Variants in COL14A1 observed in about 807,000 individuals in gnomAD.
COL14A1 encodes collagen type XIV alpha 1 chain.
COL14A1 carries 136 observed loss-of-function variants against 230.3 expected under a neutral mutation model. The observed-to-expected ratio is 0.59, with a 90% CI of 0.51 to 0.68. COL14A1 has a LOEUF of 0.68. COL14A1 is among the 30% of genes least tolerant of loss of function. The probability of loss-of-function intolerance (pLI) is 0.00; values close to 1 mark genes in which losing one functional copy is unlikely to be tolerated. For synonymous variants in COL14A1, 792 were observed against 784.1 expected, an observed-to-expected ratio of 1.01 and a Z score of -0.17; for missense variants, 1,976 against 2,215.8, an observed-to-expected ratio of 0.89 and a Z score of 2.17.
At chr8:120,130,943 C>T (rs1003799985) in intron 1 of COL14A1, among the ~76,000 whole-genome samples, 5 of 152,070 alleles carry the variant, frequency 3.3e-5, no homozygotes, top group Non-Finnish European at 7.4e-5. Flanking sequence ...CTGTTTAGCT[C>T]CTACTTATAA....
chr8:120,370,615 C>T (rs1005645374), intron 47 of COL14A1: 54 of 1,450,120 alleles, frequency 3.7e-5, no homozygotes, highest in Non-Finnish European at 4.4e-5. Context: ...CTGACTGCTC[C>T]ATGTCAGCCT....
At position 120,280,951 on chromosome 8, in the gene COL14A1, T is replaced by C. The variant is rs748286322; in HGVS notation, c.3716T>C (p.Val1239Ala). ...GFKMMEMFGL[V>A]EKDFSSVEGV... ...AAGATGATGGAAATGTTTGGTTTGG[T>C]TGAAAAAGATTTTTCATCAGTGGAA... The change falls in exon 31 of 48, where the codon GTT becomes GCT. Residue 1239 changes from valine (V) to alanine (A), a missense_variant. Transcript: ENST00000297848. The C allele has an allele frequency of 1.9e-6, 3 of 1,609,868 alleles. No individual in the cohort carries two copies. Among genetic ancestry groups the C allele is most frequent in the Middle Eastern group, 1.7e-4 (1 of 6,012 alleles).
At chr8:120,348,352 A>G (rs1204996985) in intron 45 of COL14A1, among the ~76,000 whole-genome samples, 2 of 150,894 alleles carry the variant, frequency 1.3e-5, no homozygotes, top group Non-Finnish European at 2.9e-5. Context: ...ACTCAGCCAT[A>G]AAAAGGAATG....
At chr8:120,182,937 G>T (rs975303797) in intron 5 of COL14A1, among the ~76,000 whole-genome samples, 1 of 151,928 alleles carries the variant, frequency 6.6e-6, no homozygotes, top group African/African-American at 2.4e-5. Flanking sequence ...ATATTGCCCA[G>T]GGTGGTCTCA....
chr8:120,370,578 A>C (rs1249563891), intron 47 of COL14A1: 1 of 1,455,922 alleles, frequency 6.9e-7, no homozygotes, highest in African/African-American at 1.4e-5. Flanking sequence ...AACTTAACCA[A>C]ATCATATATG....
chr8:120,344,914 A>G (rs187562915), intron 44 of COL14A1, among the ~76,000 whole-genome samples: 1 of 152,216 alleles, frequency 6.6e-6, no homozygotes, highest in African/African-American at 2.4e-5. Context: ...GGTTCCTAAA[A>G]AAAGGCTTGA....
At chr8:120,292,169 T>G (rs1284176083) in intron 34 of COL14A1, among the ~76,000 whole-genome samples, 2 of 152,178 alleles carry the variant, frequency 1.3e-5, no homozygotes, top group African/African-American at 4.8e-5. Flanking sequence ...ATACTGTATG[T>G]AATAATTATG....
chr8:120,305,487 T>G (rs569608646), intron 36 of COL14A1, among the ~76,000 whole-genome samples: 1 of 152,270 alleles, frequency 6.6e-6, no homozygotes, highest in South Asian at 2.1e-4. Context: ...GTAACATATA[T>G]TTTCTTCACT....
chr8:120,140,147 C>CTAT (rs1480008352), intron 1 of COL14A1, among the ~76,000 whole-genome samples: 2 of 152,194 alleles, frequency 1.3e-5, no homozygotes, highest in Non-Finnish European at 2.9e-5. Context: ...AGCCAAGGAC[C>CTAT]TATATATAGC....
chr8:120,202,784 T>G (rs1817292192), intron 8 of COL14A1, among the ~76,000 whole-genome samples: 1 of 151,872 alleles, frequency 6.6e-6, no homozygotes, highest in Non-Finnish European at 1.5e-5. Flanking sequence ...CTTTCTGTCC[T>G]ATTCTATTCC....
At chr8:120,132,755 A>C (rs1586704090) in intron 1 of COL14A1, among the ~76,000 whole-genome samples, 1 of 152,268 alleles carries the variant, frequency 6.6e-6, no homozygotes, top group African/African-American at 2.4e-5. Flanking sequence ...AACAAAGTAC[A>C]AATTACTAAA....
chr8:120,193,976 G>A (rs141575438), intron 5 of COL14A1, among the ~76,000 whole-genome samples: 1,966 of 151,546 alleles, frequency 0.013, 42 homozygotes, highest in African/African-American at 0.045. Flanking sequence ...ACTAGGAAAG[G>A]GAACTCCCTG....
At chr8:120,286,819 A>G (rs1820219498) in intron 33 of COL14A1, among the ~76,000 whole-genome samples, 1 of 152,142 alleles carries the variant, frequency 6.6e-6, no homozygotes, top group South Asian at 2.1e-4. Flanking sequence ...ACTTGTCATT[A>G]TTTTAATAAC....
At chr8:120,300,607 T>C (rs1820680445) in intron 35 of COL14A1, 125 bp from the exon 36 acceptor site, 6 of 727,418 alleles carry the variant, frequency 8.2e-6, no homozygotes, top group African/African-American at 1.8e-5. Flanking sequence ...GTGAATATTC[T>C]CTGCCTTTCT....
chr8:120,283,770 T>C lies in COL14A1; in HGVS notation c.3959T>C (p.Ile1320Thr). 1.9e-6 allele frequency: 3 copies of C among 1,609,620 alleles called. No homozygotes were observed. The highest frequency in any genetic ancestry group is 2.2e-5 in the South Asian group (2 of 89,952). Reference sequence around the variant, plus strand: ...AATTCTGACCCATTGGTTGGGGTTATTTTAGACAGTAAGTATATTTATTGA... The same window carrying C: ...AATTCTGACCCATTGGTTGGGGTTACTTTAGACAGTAAGTATATTTATTGA... ...NKNSDPLVGVILDNGGKTLTY... is the reference protein window; with the variant it reads ...NKNSDPLVGVTLDNGGKTLTY... The change falls in exon 32 of 48, where the codon ATT (isoleucine) becomes ACT (threonine). Residue 1320 changes from isoleucine (I) to threonine (T), a missense_variant. Ile to Thr is a moderately conservative substitution (Grantham distance 89). Transcript: ENST00000297848.
intron 40 of COL14A1, among the ~76,000 whole-genome samples, chr8:120,318,256 A>G (rs557202410): frequency 1.3e-3 from 193 of 152,322 alleles, no homozygotes; most frequent in Non-Finnish European, 2.1e-3. Flanking sequence ...TACTGCCTAC[A>G]GAGAAGAATC....
Position 120,281,035 on chromosome 8 carries a change from A to G in COL14A1, c.3800A>G (p.Asp1267Gly). The G allele has an allele frequency of 1.2e-6, 2 of 1,611,688 alleles. No individual in the cohort carries two copies. Among genetic ancestry groups the G allele is most frequent in the Non-Finnish European group, 1.7e-6 (2 of 1,178,898 alleles). ...NVFPCYQLHK[D>G]ALVSQPTRYL... ...TTTCCATGTTACCAACTCCATAAAG[A>G]TGCCCTGGTTTCCCAGCCAACCAGG... Residue 1267 changes from aspartate to glycine, a missense_variant, in exon 31 of 48, where the codon GAT (aspartate) becomes GGT (glycine). Coordinates refer to ENST00000297848, the MANE Select transcript of COL14A1 (RefSeq NM_021110.4).
intron 5 of COL14A1, among the ~76,000 whole-genome samples, chr8:120,194,397 C>A (rs894107467): frequency 1.3e-5 from 2 of 151,872 alleles, no homozygotes; most frequent in African/African-American, 4.8e-5. Context: ...AGCACCCAAG[C>A]CCCCCCTTAC....
At chr8:120,316,351 A>T (rs372988906) in intron 40 of COL14A1, among the ~76,000 whole-genome samples, 41 of 152,212 alleles carry the variant, frequency 2.7e-4, no homozygotes, top group African/African-American at 9.4e-4. Flanking sequence ...CATATGAATT[A>T]AAATTTAAAT....
Sources: gnomAD v4.1 joint callset for allele counts (sites outside exome capture counted in the v4.1 genomes callset) on GRCh38, gnomAD v4.1.1 for gene constraint, MANE v1.5 for transcripts, NCBI Gene and HGNC (gene_info 2026-07-23, HGNC 2026-07-21) for gene names.